OSBPL10: variants seen among roughly 807,000 people sequenced by gnomAD.
OSBPL10 encodes oxysterol binding protein like 10.
A neutral mutation model predicts 81.7 loss-of-function variants in OSBPL10; 49 were observed. The ratio of observed to expected loss-of-function variants is 0.60; its 90% CI spans 0.48 to 0.76. OSBPL10 has a LOEUF of 0.76. Among genes scored for constraint, OSBPL10 ranks in the 30% least tolerant of loss-of-function variants. The pLI, the probability that OSBPL10 is intolerant of heterozygous loss-of-function variation, is 0.00. For missense variants in OSBPL10, 923 were observed against 987.8 expected (o/e 0.93, Z 0.88); for synonymous variants, 419 against 383.6 (o/e 1.09, Z -1.08).
intron 2 of OSBPL10, among the ~76,000 whole-genome samples, chr3:31,996,510 G>T (rs938588511): frequency 7.9e-5 from 12 of 152,056 alleles, no homozygotes; most frequent in Admixed American, 6.5e-5. Flanking sequence ...GGGGAGAAGG[G>T]GGTTAGTGGA....
chr3:31,821,765 C>T lies in OSBPL10; in HGVS notation c.729+8275G>A. ...CACAAAGGGTAAATTCACTTTATAC[C>T]CTAAATGTGGTTTCCCTGGTGATGG... On this transcript the variant is annotated intron_variant, in intron 4 of 11. Transcript: ENST00000396556. Among the ~76,000 whole-genome samples the T allele has an allele frequency of 1.3e-5, 2 of 152,180 alleles. 1 individual carries two copies. Among genetic ancestry groups the T allele is most frequent in the Middle Eastern group, 6.8e-3 (2 of 294 alleles).
intron 6 of OSBPL10, among the ~76,000 whole-genome samples, chr3:31,730,512 AAATTGTTTT>A (rs1300722028): frequency 1.3e-5 from 2 of 152,260 alleles, no homozygotes; most frequent in African/African-American, 4.8e-5. Context: ...TTTGTTGAAA[AAATTGTTTT>A]ACTAATAGGT....
chr3:31,707,017 G>C (rs1696092051), intron 6 of OSBPL10, among the ~76,000 whole-genome samples: 1 of 151,676 alleles, frequency 6.6e-6, no homozygotes, highest in African/African-American at 2.4e-5. Context: ...TCAGGTAGCT[G>C]GGGTCAACAC....
chr3:31,936,851 G>A (rs1559524773), intron 1 of OSBPL10, among the ~76,000 whole-genome samples: 1 of 152,180 alleles, frequency 6.6e-6, no homozygotes, highest in East Asian at 1.9e-4. Context: ...AACCAGACAT[G>A]ACTTATCACA....
chr3:31,809,810 A>G (rs1699626086), intron 4 of OSBPL10, among the ~76,000 whole-genome samples: 2 of 151,988 alleles, frequency 1.3e-5, no homozygotes, highest in African/African-American at 2.4e-5. Flanking sequence ...GGACTATTCA[A>G]AAAATGGGAT....
chr3:31,793,231 A>T (rs895804992), intron 4 of OSBPL10, among the ~76,000 whole-genome samples: 1 of 152,154 alleles, frequency 6.6e-6, no homozygotes, highest in Non-Finnish European at 1.5e-5. Context: ...TCCCAGCCAG[A>T]CTGGGAAAGC....
At chr3:31,908,231 T>C (rs910039017) in intron 1 of OSBPL10, among the ~76,000 whole-genome samples, 1 of 151,842 alleles carries the variant, frequency 6.6e-6, no homozygotes, top group Non-Finnish European at 1.5e-5. Context: ...GCAGGCATGA[T>C]AGGGACTGGG....
At chr3:31,890,974 T>G (rs941799994) in intron 1 of OSBPL10, among the ~76,000 whole-genome samples, 1 of 151,894 alleles carries the variant, frequency 6.6e-6, no homozygotes, top group Non-Finnish European at 1.5e-5. Context: ...TAAAAGTGGG[T>G]GAGCAACCCC....
At position 31,671,743 on chromosome 3, in the gene OSBPL10, T is replaced by C. The variant is rs559102759; in HGVS notation, c.1727-760A>G. On this transcript the variant is annotated intron_variant, in intron 8 of 11. Transcript: ENST00000396556. ...AAAGGCCTTATTCCTCTCAAAGCAA[T>C]GCAGAATTTTGTTCATTTTTCTAGG... Among the ~76,000 whole-genome samples the C allele has an allele frequency of 3.9e-5, 6 of 152,282 alleles. No individual in the cohort carries two copies. The South Asian group carries it at 1.0e-3, about 26-fold the overall frequency.
intron 4 of OSBPL10, among the ~76,000 whole-genome samples, chr3:31,759,527 G>A (rs1308729872): frequency 3.3e-5 from 5 of 152,128 alleles, no homozygotes; most frequent in Admixed American, 6.5e-5. Flanking sequence ...CAATACCAGA[G>A]AGAAGTTTTA....
intron 4 of OSBPL10, among the ~76,000 whole-genome samples, chr3:31,808,667 C>T (rs571428018): frequency 6.6e-6 from 1 of 152,314 alleles, no homozygotes; most frequent in African/African-American, 2.4e-5. Flanking sequence ...AATTAAAAGG[C>T]ACTTGAAAAC....
chr3:31,870,425 G>A lies in OSBPL10; in HGVS notation c.537+6008C>T, dbSNP rs145375468. 4.0e-3 allele frequency among the ~76,000 whole-genome samples: 609 copies of A among 152,324 alleles called. 22 individuals carry two copies. In the East Asian group the frequency reaches 0.075, roughly 19 times the overall value. On this transcript the variant is annotated intron_variant, in intron 3 of 11. Coordinates refer to ENST00000396556, the MANE Select transcript of OSBPL10 (RefSeq NM_017784.5). ...CCCTCCATGGGCTCCTGTGCGGCCCGAGCCTCCCCGACGAGCGCCGCCCCC... is the reference window on the plus strand; with the variant it reads ...CCCTCCATGGGCTCCTGTGCGGCCCAAGCCTCCCCGACGAGCGCCGCCCCC...
At chr3:31,986,500 C>T (rs1203823477) in intron 2 of OSBPL10, 2 of 152,260 alleles carry the variant, frequency 1.3e-5, no homozygotes, top group African/African-American at 2.4e-5. Context: ...AATCCCAGCA[C>T]TTTGGGAGGC....
chr3:31,733,736 A>G (rs1697055052), intron 5 of OSBPL10, among the ~76,000 whole-genome samples: 1 of 123,436 alleles, frequency 8.1e-6, no homozygotes, highest in South Asian at 2.6e-4. Context: ...ATTTCTGGCC[A>G]GGTGCGGTGG....
chr3:31,745,120 C>T lies in OSBPL10; in HGVS notation c.940+2790G>A, dbSNP rs142094672. Among the ~76,000 whole-genome samples the T allele has an allele frequency of 8.3e-3, 1,270 of 152,324 alleles. 15 individuals are homozygous for T. Among genetic ancestry groups the T allele is most frequent in the Non-Finnish European group, 0.012 (825 of 68,030 alleles). On this transcript the variant is annotated intron_variant, in intron 5 of 11. Coordinates refer to ENST00000396556, the MANE Select transcript of OSBPL10 (RefSeq NM_017784.5). ...AGAAGCAAGAGGAAAGGTAGAAAAG[C>T]AGGTTTGGGCGCCCTTGCTCCAGCG...
intron 1 of OSBPL10, among the ~76,000 whole-genome samples, chr3:32,066,025 G>GAAAGAAAGAA (rs1458321683): frequency 3.2e-5 from 2 of 62,642 alleles, no homozygotes; most frequent in African/African-American, 7.3e-5. Context: ...AAGAAAGAAA[G>GAAAGAAAGAA]AGAGAGAGAG....
chr3:32,009,301 G>A (rs1699231828), intron 2 of OSBPL10, among the ~76,000 whole-genome samples: 1 of 152,150 alleles, frequency 6.6e-6, no homozygotes, highest in African/African-American at 2.4e-5. Context: ...ATGGGGATAG[G>A]GAAAGAAGCT....
At chr3:31,748,942 A>C (rs1559447510) in intron 4 of OSBPL10, among the ~76,000 whole-genome samples, 1 of 152,216 alleles carries the variant, frequency 6.6e-6, no homozygotes, top group Non-Finnish European at 1.5e-5. Context: ...ACATCCCATT[A>C]AACAGGATGA....
chr3:31,879,928 C>T (rs547078088), intron 1 of OSBPL10, 98 bp from the exon 2 acceptor site: 1 of 1,271,188 alleles, frequency 7.9e-7, no homozygotes, highest in Non-Finnish European at 1.1e-6. Context: ...AACATCAAGA[C>T]TCCACATCCA....
Sources: gnomAD v4.1 joint callset for allele counts (sites outside exome capture counted in the v4.1 genomes callset) on GRCh38, gnomAD v4.1.1 for gene constraint, MANE v1.5 for transcripts, NCBI Gene and HGNC (gene_info 2026-07-23, HGNC 2026-07-21) for gene names.